The following FRMPD2 variants were observed in gnomAD, a reference collection of about 807,000 sequenced individuals.
The protein encoded by FRMPD2 is FERM and PDZ domain containing 2, also known as FERM and PDZ domain-containing protein 2.
In FRMPD2, 96 loss-of-function variants were observed where a neutral mutation model predicts 140.1. The ratio of observed to expected loss-of-function variants is 0.69; its 90% CI spans 0.58 to 0.81. The LOEUF (loss-of-function observed/expected upper bound fraction) is 0.81. FRMPD2 is among the 40% of genes least tolerant of loss of function. The probability of loss-of-function intolerance (pLI) is 0.00; values close to 1 mark genes in which losing one functional copy is unlikely to be tolerated. For missense variants in FRMPD2, 1,240 were observed against 1,447.4 expected (o/e 0.86, Z 2.32); for synonymous variants, 449 against 547.6 (o/e 0.82, Z 2.52).
At chr10:48,207,291 G>T (rs1210581048) in intron 13 of FRMPD2, among the ~76,000 whole-genome samples, 1 of 152,074 alleles carries the variant, frequency 6.6e-6, no homozygotes, top group African/African-American at 2.4e-5. Context: ...ACATCTCAAG[G>T]TAAGAGATTT....
intron 10 of FRMPD2, among the ~76,000 whole-genome samples, chr10:48,224,717 T>A (rs1839684634): frequency 6.6e-6 from 1 of 152,054 alleles, no homozygotes; most frequent in Non-Finnish European, 1.5e-5. Flanking sequence ...GCTAGGCAGG[T>A]GTAAAATTGT....
At chr10:48,162,956 A>G (rs2564805) in intron 28 of FRMPD2, among the ~76,000 whole-genome samples, 22 of 149,874 alleles carry the variant, frequency 1.5e-4, no homozygotes, top group Middle Eastern at 3.4e-3. Flanking sequence ...TGTTGATAAT[A>G]AAGCATTATA....
chr10:48,266,533 C>T (rs1840681039), intron 1 of FRMPD2, among the ~76,000 whole-genome samples: 1 of 152,096 alleles, frequency 6.6e-6, no homozygotes, highest in Non-Finnish European at 1.5e-5. Context: ...AAAAAATAGA[C>T]CAATACATAT....
chr10:48,197,212 C>CT (rs1031423843), intron 15 of FRMPD2, among the ~76,000 whole-genome samples: 2 of 152,140 alleles, frequency 1.3e-5, no homozygotes, highest in African/African-American at 4.8e-5. Context: ...GGGCCAGCCC[C>CT]AGGACCCAAT....
chr10:48,267,347 G>A (rs1291220710), intron 1 of FRMPD2, among the ~76,000 whole-genome samples: 1 of 152,134 alleles, frequency 6.6e-6, no homozygotes, highest in East Asian at 1.9e-4. Context: ...GGAAATTTTA[G>A]AACTGAAAAA....
rs185261824 is a variant in FRMPD2 at position 48,182,053 on chromosome 10, C to T, written c.2585-1045G>A. On this transcript the variant is annotated intron_variant, in intron 20 of 28. Coordinates refer to ENST00000374201, the MANE Select transcript of FRMPD2 (RefSeq NM_001018071.4). ...TTAGACCTGGATACAAGTAGATTTA[C>T]TACTTTTGATACAGACTCATTAACA... Among the ~76,000 whole-genome samples the T allele has an allele frequency of 6.2e-3, 947 of 152,024 alleles. 7 individuals are homozygous for T. The highest frequency in any genetic ancestry group is 0.021 in the African/African-American group (882 of 41,484).
intron 1 of FRMPD2, among the ~76,000 whole-genome samples, chr10:48,269,488 A>G (rs1840732021): frequency 2.6e-5 from 4 of 152,226 alleles, no homozygotes; most frequent in Non-Finnish European, 5.9e-5. Flanking sequence ...AGAGGGATGC[A>G]GAAGCTGAAC....
In FRMPD2 at chr10:48,209,770, C is replaced by T. The variant is rs542431975; in HGVS notation, c.1611+2184G>A. 5.1e-4 allele frequency among the ~76,000 whole-genome samples: 78 copies of T among 152,194 alleles called. 1 individual carries two copies. The highest frequency in any genetic ancestry group is 1.8e-3 in the African/African-American group (76 of 41,502). On this transcript the variant is annotated intron_variant, in intron 13 of 28. Coordinates refer to ENST00000374201, the MANE Select transcript of FRMPD2 (RefSeq NM_001018071.4). ...GTAATTCCACTTATGAGATTCTATC[C>T]CTAAGGAATGAAGCAGAAATACAGC...
At chr10:48,212,328 G>C (rs936613987) in intron 12 of FRMPD2, among the ~76,000 whole-genome samples, 3 of 152,096 alleles carry the variant, frequency 2.0e-5, no homozygotes, top group African/African-American at 7.2e-5. Flanking sequence ...CTGTTTTTGA[G>C]CCCCTTTTTA....
chr10:48,177,391 A>G (rs1429898765), intron 22 of FRMPD2: 1 of 151,196 alleles, frequency 6.6e-6, no homozygotes, highest in African/African-American at 2.4e-5. Context: ...GATTACAGTC[A>G]TGAGCCACCG....
chr10:48,216,174 A>G (rs1321117380), intron 12 of FRMPD2, among the ~76,000 whole-genome samples: 4 of 152,336 alleles, frequency 2.6e-5, no homozygotes, highest in African/African-American at 9.6e-5. Flanking sequence ...CTCAGCCTAC[A>G]TAACCACATG....
At chr10:48,260,328 G>A (rs554077245) in intron 1 of FRMPD2, among the ~76,000 whole-genome samples, 3 of 152,230 alleles carry the variant, frequency 2.0e-5, no homozygotes, top group African/African-American at 4.8e-5. Flanking sequence ...TTCAGTCCAA[G>A]TCTGAAGGCC....
intron 20 of FRMPD2, among the ~76,000 whole-genome samples, chr10:48,183,850 T>TAAAAAAAAAA (rs1564417711): frequency 3.9e-5 from 1 of 25,546 alleles, no homozygotes; most frequent in Non-Finnish European, 9.0e-5. Flanking sequence ...AGACTCCATC[T>TAAAAAAAAAA]CAAAAAAAAA....
At position 48,212,113 on chromosome 10, in the gene FRMPD2, G is replaced by A; in HGVS notation, c.1456-4C>T. Reference sequence around the variant, plus strand: ...AGTATGGCTTACTCTCCACCTGCTGGAAGTAAGATGTAGAAGGGAAGGGCA... The same window carrying A: ...AGTATGGCTTACTCTCCACCTGCTGAAAGTAAGATGTAGAAGGGAAGGGCA... On this transcript the variant is annotated splice_polypyrimidine_tract_variant and splice_region_variant and intron_variant, in intron 12 of 28. Coordinates refer to ENST00000374201, the MANE Select transcript of FRMPD2 (RefSeq NM_001018071.4). The A allele has an allele frequency of 1.2e-6, 2 of 1,613,712 alleles. No homozygotes were observed. The highest frequency in any genetic ancestry group is 1.7e-5 in the Admixed American group (1 of 60,006).
intron 1 of FRMPD2, among the ~76,000 whole-genome samples, chr10:48,265,772 G>T (rs1275167869): frequency 1.3e-5 from 2 of 152,176 alleles, no homozygotes; most frequent in African/African-American, 4.8e-5. Context: ...TGGTGGGAGT[G>T]TAAATTAGTT....
chr10:48,164,908 C>T (rs1458524805), intron 27 of FRMPD2, among the ~76,000 whole-genome samples: 10 of 105,804 alleles, frequency 9.5e-5, no homozygotes, highest in African/African-American at 3.3e-4. Flanking sequence ...CACATGTCCT[C>T]GGTGTGCCTC....
At chr10:48,247,064 A>G (rs1420831029) in intron 3 of FRMPD2, among the ~76,000 whole-genome samples, 1 of 152,168 alleles carries the variant, frequency 6.6e-6, no homozygotes, top group Non-Finnish European at 1.5e-5. Context: ...ACTCACTCTC[A>G]TCTTCCTGGC....
intron 15 of FRMPD2, 95 bp from the exon 16 acceptor site, chr10:48,192,989 TCTC>T (rs1258908140): frequency 3.3e-6 from 3 of 896,564 alleles, no homozygotes; most frequent in Non-Finnish European, 5.4e-6. Flanking sequence ...GGGCCCCCGC[TCTC>T]CTCCTCCTTT....
intron 12 of FRMPD2, 112 bp downstream of exon 12, chr10:48,222,201 G>T: frequency 9.6e-7 from 1 of 1,043,376 alleles, no homozygotes; most frequent in Non-Finnish European, 1.4e-6. Flanking sequence ...CAATCTAGCT[G>T]GTAGATGCTA....
Sources: gnomAD v4.1 joint callset for allele counts (sites outside exome capture counted in the v4.1 genomes callset) on GRCh38, gnomAD v4.1.1 for gene constraint, MANE v1.5 for transcripts, NCBI Gene and HGNC (gene_info 2026-07-23, HGNC 2026-07-21) for gene names.